KALRN: variants seen among roughly 807,000 people sequenced by gnomAD.
KALRN encodes kalirin.
In KALRN, 70 loss-of-function variants were observed where a neutral mutation model predicts 353.7. That is an observed-to-expected ratio of 0.20 (90% confidence interval 0.16 to 0.24). The LOEUF is 0.24. Among genes scored for constraint, KALRN ranks in the 10% least tolerant of loss-of-function variants. The probability of loss-of-function intolerance (pLI) is 1.00; values close to 1 mark genes in which losing one functional copy is unlikely to be tolerated. For missense variants in KALRN, 2,791 were observed against 3,756.7 expected, an observed-to-expected ratio of 0.74 and a Z score of 6.72; for synonymous variants, 1,391 against 1,434.8, an observed-to-expected ratio of 0.97 and a Z score of 0.69.
At chr3:124,038,844 T>C (rs1200891053) in intron 1 of KALRN, among the ~76,000 whole-genome samples, 8 of 152,260 alleles carry the variant, frequency 5.3e-5, no homozygotes, top group Non-Finnish European at 1.2e-4. Flanking sequence ...GTCATGATAT[T>C]TAAAACCTTG....
Position 124,719,400 on chromosome 3 carries a change from A to G in KALRN, c.8891A>G (p.His2964Arg). The part of the protein sequence containing the change: ...RLACFIERRK[H>R]QNDVRPIPNV... ...GCATGCTTCATAGAACGTCGCAAGCACCAGAATGATGTGCGGCCTATTCCC... is the reference window on the plus strand; with the variant it reads ...GCATGCTTCATAGAACGTCGCAAGCGCCAGAATGATGTGCGGCCTATTCCC... The change falls in exon 60 of 60, where the codon CAC becomes CGC. Residue 2964 changes from histidine (H) to arginine (R), a missense_variant. His to Arg is a conservative substitution (Grantham distance 29). Around this residue, in one of 11 missense-constraint regions of KALRN, gnomAD observed 188 missense variants for 402.9 expected, o/e 0.47. Coordinates refer to ENST00000682506, the MANE Select transcript of KALRN (RefSeq NM_001388419.1). This position sits in a 1 kb window ranked among gnomAD's most constrained non-coding sequence, Gnocchi z 5.3. 6.2e-7 allele frequency: 1 copy of G among 1,614,180 alleles called. No individual in the cohort carries two copies. The highest frequency in any genetic ancestry group is 8.5e-7 in the Non-Finnish European group (1 of 1,180,048).
At position 124,717,240 on chromosome 3, in the gene KALRN, C is replaced by T; in HGVS notation, c.8277-7C>T. Reference sequence around the variant, plus strand: ...TATTTCCTTTGCCTTTCCCTGCCTACTTTCAGGATGGATGATGGCCGGCTC... The same window carrying T: ...TATTTCCTTTGCCTTTCCCTGCCTATTTTCAGGATGGATGATGGCCGGCTC... On this transcript the variant is annotated splice_polypyrimidine_tract_variant and splice_region_variant and intron_variant, in intron 58 of 59. Transcript: ENST00000682506. The T allele has an allele frequency of 1.3e-6, 2 of 1,588,820 alleles. No individual in the cohort carries two copies. The highest frequency in any genetic ancestry group is 2.3e-5 in the South Asian group (2 of 86,350).
Position 124,446,837 on chromosome 3 carries a change from G to C in KALRN, c.3504G>C (p.Glu1168Asp). Residue 1168 changes from glutamate (E) to aspartate (D), a missense_variant, in exon 21 of 60, where the codon GAG (glutamate) becomes GAC (aspartate). Around this residue, in one of 11 missense-constraint regions of KALRN, gnomAD observed 268 missense variants for 347.0 expected, o/e 0.77. Coordinates refer to ENST00000682506, the MANE Select transcript of KALRN (RefSeq NM_001388419.1). ...THTSTGETTE[E>D]TQELLKEYGE... ...CCTCCACTGGAGAGACCACAGAGGA[G>C]ACTCAGGAACTGCTGAAAGAATATG... The C allele has an allele frequency of 6.2e-7, 1 of 1,614,088 alleles. No homozygotes were observed. The highest frequency in any genetic ancestry group is 8.5e-7 in the Non-Finnish European group (1 of 1,179,980).
chr3:124,682,563 A>G (rs900208053), intron 51 of KALRN, among the ~76,000 whole-genome samples: 1 of 152,182 alleles, frequency 6.6e-6, no homozygotes, highest in Non-Finnish European at 1.5e-5. Flanking sequence ...CTGCATGGGA[A>G]TGATGTCACC....
chr3:124,064,368 T>C (rs893164810), intron 1 of KALRN, among the ~76,000 whole-genome samples: 2 of 151,856 alleles, frequency 1.3e-5, no homozygotes, highest in Admixed American at 6.6e-5. Context: ...CGGCAGAACA[T>C]GTGGTTTTGG....
chr3:124,391,961 A>G (rs2089455799), intron 11 of KALRN, among the ~76,000 whole-genome samples: 1 of 152,248 alleles, frequency 6.6e-6, no homozygotes, highest in Non-Finnish European at 1.5e-5. Flanking sequence ...TTGATCTTAT[A>G]CAAACTCCAA....
At chr3:124,581,021 C>T (rs2074580912) in intron 34 of KALRN, among the ~76,000 whole-genome samples, 1 of 152,012 alleles carries the variant, frequency 6.6e-6, no homozygotes. Context: ...TGGCTAGTCT[C>T]ATTCTGGAAG....
At chr3:124,120,760 C>T (rs116255264) in intron 1 of KALRN, among the ~76,000 whole-genome samples, 2,166 of 134,358 alleles carry the variant, frequency 0.016, 67 homozygotes, top group African/African-American at 0.064. Context: ...ACATAATTAG[C>T]TAACTATTCA....
At chr3:124,328,873 C>T (rs1179107357) in intron 7 of KALRN, among the ~76,000 whole-genome samples, 4 of 152,202 alleles carry the variant, frequency 2.6e-5, no homozygotes, top group Non-Finnish European at 5.9e-5. Context: ...CCTTCAGGGA[C>T]ATTCATAAAC....
intron 23 of KALRN, among the ~76,000 whole-genome samples, chr3:124,457,685 G>C (rs1023566451): frequency 1.3e-5 from 2 of 152,112 alleles, no homozygotes; most frequent in African/African-American, 4.8e-5. Context: ...ATAAGTCTTA[G>C]AAAAGTCAAG....
chr3:124,519,371 G>T (rs2066971351), intron 33 of KALRN: 1 of 985,398 alleles, frequency 1.0e-6, no homozygotes, highest in Non-Finnish European at 1.2e-6. Flanking sequence ...TCAAGAGAGA[G>T]CCCCAACCCC....
intron 9 of KALRN, among the ~76,000 whole-genome samples, chr3:124,339,229 G>A (rs907891558): frequency 1.3e-5 from 2 of 152,148 alleles, no homozygotes; most frequent in Non-Finnish European, 2.9e-5. Context: ...GCTGGGAGGG[G>A]ACGGGTGCAG....
Position 124,539,921 on chromosome 3 carries a change from T to TGG in KALRN, c.4936-22922_4936-22921insGG, listed in dbSNP as rs1239673391. On this transcript the variant is annotated intron_variant, in intron 33 of 59. Transcript: ENST00000682506. ...CATCACCACACCAAGCTAATTTTTTTTGGGGGGGGGGACAGGGTCTCACTG... is the reference window on the plus strand; with the variant it reads ...CATCACCACACCAAGCTAATTTTTTTGGTGGGGGGGGGGACAGGGTCTCACTG... Among the ~76,000 whole-genome samples the TGG allele has an allele frequency of 5.0e-4, 48 of 95,540 alleles. No individual in the cohort carries two copies. In the South Asian group the frequency reaches 9.9e-3, roughly 20 times the overall value. 62.7% of individuals were successfully genotyped at this position (95,540 alleles called of 152,430 possible). A position where few individuals can be genotyped will look rare whatever the true frequency, so the allele number is the denominator to read the frequency against.
At chr3:124,070,368 C>A (rs1429896308) in intron 1 of KALRN, among the ~76,000 whole-genome samples, 4 of 152,236 alleles carry the variant, frequency 2.6e-5, no homozygotes, top group Non-Finnish European at 5.9e-5. Context: ...TGCTGGCATT[C>A]TGTCTTTACC....
chr3:124,141,345 C>T (rs2066603270), intron 1 of KALRN, among the ~76,000 whole-genome samples: 1 of 152,136 alleles, frequency 6.6e-6, no homozygotes. Context: ...CTCGCCCAAC[C>T]CCACTTTTTT....
At chr3:124,711,292 G>C (rs1167086677) in intron 57 of KALRN, among the ~76,000 whole-genome samples, 1 of 152,072 alleles carries the variant, frequency 6.6e-6, no homozygotes, top group Non-Finnish European at 1.5e-5. Flanking sequence ...AAAGCACTGG[G>C]ATGACAAGCA....
At chr3:124,482,729 C>A in intron 27 of KALRN, 79 bp from the exon 28 acceptor site, 2 of 922,818 alleles carry the variant, frequency 2.2e-6, no homozygotes, top group Non-Finnish European at 3.6e-6. Context: ...TCTTCTGACC[C>A]CTGCCTTTCT....
intron 10 of KALRN, chr3:124,374,585 C>G (rs2086321109): frequency 6.6e-6 from 1 of 152,264 alleles, no homozygotes; most frequent in Non-Finnish European, 1.5e-5. Flanking sequence ...ACCCACCTTT[C>G]CACGTCAGGA....
intron 1 of KALRN, among the ~76,000 whole-genome samples, chr3:124,181,144 G>A (rs9824562): frequency 0.3 from 44,834 of 148,742 alleles, 7,069 homozygotes; most frequent in East Asian, 0.53. Flanking sequence ...CTAGCTACTC[G>A]GGAGGCTGTT....
Sources: gnomAD v4.1 joint callset for allele counts (sites outside exome capture counted in the v4.1 genomes callset) on GRCh38, gnomAD v4.1.1 for gene constraint, gnomAD v4.1.1 regional missense constraint, Gnocchi (gnomAD v3.1) non-coding constraint, MANE v1.5 for transcripts, NCBI Gene and HGNC (gene_info 2026-07-23, HGNC 2026-07-21) for gene names.